LDB2: variants seen among roughly 807,000 people sequenced by gnomAD.
LDB2 encodes the protein LIM domain binding 2.
Under a neutral mutation model 44.3 loss-of-function variants are expected in LDB2, and 12 were observed. That is an observed-to-expected ratio of 0.27 (90% CI 0.17 to 0.44). The LOEUF is 0.44. LDB2 is among the 20% of genes least tolerant of loss of function. The pLI is 1.00. For missense variants in LDB2, 344 were observed against 473.5 expected (o/e 0.73, Z 2.54); for synonymous variants, 164 against 174.8 (o/e 0.94, Z 0.49).
chr4:16,505,802 A>G, intron 7 of LDB2: 8 of 1,503,754 alleles, frequency 5.3e-6, no homozygotes, highest in Non-Finnish European at 7.1e-6. Flanking sequence ...CACCCATTTC[A>G]CATCTTCTCA....
At chr4:16,540,883 A>G (rs1323463684) in intron 5 of LDB2, among the ~76,000 whole-genome samples, 1 of 152,214 alleles carries the variant, frequency 6.6e-6, no homozygotes. Context: ...AAGAAAATGC[A>G]AAATTTACAG....
chr4:16,664,757 G>A (rs890965546), intron 2 of LDB2, among the ~76,000 whole-genome samples: 2 of 152,178 alleles, frequency 1.3e-5, no homozygotes, highest in African/African-American at 4.8e-5. Flanking sequence ...CCTTTCAGGT[G>A]CCTGCATTGT....
chr4:16,609,117 G>A (rs1462535464), intron 2 of LDB2, among the ~76,000 whole-genome samples: 2 of 152,116 alleles, frequency 1.3e-5, no homozygotes, highest in African/African-American at 2.4e-5. Context: ...AACAGCGCGG[G>A]GCAGTGGCCT....
chr4:16,665,771 G>T (rs921217531), intron 2 of LDB2, among the ~76,000 whole-genome samples: 2 of 152,090 alleles, frequency 1.3e-5, no homozygotes, highest in Non-Finnish European at 2.9e-5. Flanking sequence ...AAAAAAAAGG[G>T]GTGTCTGAAG....
chr4:16,613,074 T>G (rs1726143796), intron 2 of LDB2, among the ~76,000 whole-genome samples: 1 of 152,134 alleles, frequency 6.6e-6, no homozygotes. Flanking sequence ...AATCAATAAG[T>G]GTAACCCATC....
intron 1 of LDB2, 57 bp downstream of exon 1, chr4:16,898,297 G>A: frequency 6.5e-7 from 1 of 1,546,280 alleles, no homozygotes; most frequent in Non-Finnish European, 8.9e-7. Context: ...CCTAGGAAAA[G>A]CTCATGCATA....
At chr4:16,618,464 T>A (rs1296113982) in intron 2 of LDB2, among the ~76,000 whole-genome samples, 1 of 152,220 alleles carries the variant, frequency 6.6e-6, no homozygotes, top group Non-Finnish European at 1.5e-5. Context: ...TATATATGTA[T>A]ATATGTATGA....
chr4:16,551,298 CA>C (rs1737570077), intron 5 of LDB2, among the ~76,000 whole-genome samples: 1 of 152,096 alleles, frequency 6.6e-6, no homozygotes, highest in Non-Finnish European at 1.5e-5. Flanking sequence ...TCATTCTATT[CA>C]TCTTAAAACA....
At chr4:16,837,738 C>A (rs1190218665) in intron 1 of LDB2, among the ~76,000 whole-genome samples, 2 of 152,224 alleles carry the variant, frequency 1.3e-5, no homozygotes, top group South Asian at 2.1e-4. Flanking sequence ...GAGACTGAGA[C>A]TGACAGAAGG....
At chr4:16,506,079 G>A in intron 7 of LDB2, 1 of 1,338,976 alleles carries the variant, frequency 7.5e-7, no homozygotes, top group Non-Finnish European at 1.0e-6. Flanking sequence ...CCACAGCTGT[G>A]GTCATAGTGG....
intron 2 of LDB2, among the ~76,000 whole-genome samples, chr4:16,636,422 G>A (rs979275809): frequency 6.6e-6 from 1 of 152,172 alleles, no homozygotes; most frequent in Non-Finnish European, 1.5e-5. Context: ...CACCTAACAG[G>A]CAGTAGGCCC....
At chr4:16,825,886 A>G (rs915692008) in intron 1 of LDB2, among the ~76,000 whole-genome samples, 1 of 152,172 alleles carries the variant, frequency 6.6e-6, no homozygotes, top group Admixed American at 6.5e-5. Flanking sequence ...TAATACAATT[A>G]AAGCACCAAA....
At chr4:16,669,579 C>T (rs911361737) in intron 2 of LDB2, among the ~76,000 whole-genome samples, 1 of 152,084 alleles carries the variant, frequency 6.6e-6, no homozygotes, top group African/African-American at 2.4e-5. Flanking sequence ...ATATTTTGAC[C>T]TTTACATGGA....
At chr4:16,605,427 T>A (rs1328805947) in intron 2 of LDB2, among the ~76,000 whole-genome samples, 1 of 152,150 alleles carries the variant, frequency 6.6e-6, no homozygotes, top group East Asian at 1.9e-4. Flanking sequence ...CTTGATTTAA[T>A]TATAATTAGT....
chr4:16,815,325 T>C (rs1193555276), intron 1 of LDB2, among the ~76,000 whole-genome samples: 1 of 152,164 alleles, frequency 6.6e-6, no homozygotes, highest in East Asian at 1.9e-4. Flanking sequence ...ATTGTCAGGG[T>C]ATGGGGAGGT....
At chr4:16,609,597 G>A (rs919041358) in intron 2 of LDB2, among the ~76,000 whole-genome samples, 5 of 152,194 alleles carry the variant, frequency 3.3e-5, no homozygotes, top group African/African-American at 1.2e-4. Context: ...TGCGGCCAGA[G>A]TGCCTCTTCA....
intron 2 of LDB2, among the ~76,000 whole-genome samples, chr4:16,733,237 T>C (rs1242406087): frequency 1.3e-5 from 2 of 152,090 alleles, no homozygotes; most frequent in African/African-American, 4.8e-5. Flanking sequence ...AGATCCAACC[T>C]AGCCACTCAT....
intron 2 of LDB2, among the ~76,000 whole-genome samples, chr4:16,617,121 C>T (rs570892205): frequency 3.9e-5 from 6 of 152,252 alleles, no homozygotes; most frequent in African/African-American, 1.2e-4. Context: ...CAAAGCCGGA[C>T]GTGATCCCCA....
chr4:16,517,129 T>A, intron 5 of LDB2, among the ~76,000 whole-genome samples: 1 of 152,156 alleles, frequency 6.6e-6, no homozygotes, highest in South Asian at 2.1e-4. Flanking sequence ...TCAAATCCGT[T>A]GGGAGCTGCC....
Sources: gnomAD v4.1 joint callset for allele counts (sites outside exome capture counted in the v4.1 genomes callset) on GRCh38, gnomAD v4.1.1 for gene constraint, MANE v1.5 for transcripts, NCBI Gene and HGNC (gene_info 2026-07-23, HGNC 2026-07-21) for gene names.